Variants in TNRC6B observed in about 807,000 individuals in gnomAD.
TNRC6B encodes trinucleotide repeat-containing gene 6B protein.
A neutral mutation model predicts 203.6 loss-of-function variants in TNRC6B; 52 were observed. That is an observed-to-expected ratio of 0.26 (90% CI 0.20 to 0.32). TNRC6B has a LOEUF of 0.32. TNRC6B is among the 10% of genes least tolerant of loss of function. The probability of loss-of-function intolerance (pLI) is 1.00; values close to 1 mark genes in which losing one functional copy is unlikely to be tolerated. For synonymous variants in TNRC6B, 838 were observed against 845.7 expected, an observed-to-expected ratio of 0.99 and a Z score of 0.16; for missense variants, 1,923 against 2,286.2, an observed-to-expected ratio of 0.84 and a Z score of 3.24.
At chr22:40,270,645 T>A (rs2070549365) in intron 6 of TNRC6B, among the ~76,000 whole-genome samples, 1 of 152,134 alleles carries the variant, frequency 6.6e-6, no homozygotes, top group Non-Finnish European at 1.5e-5. Flanking sequence ...GTTTGTCAAA[T>A]GTCAGATTTG....
At chr22:40,144,476 C>G (rs2068673286) in intron 3 of TNRC6B, among the ~76,000 whole-genome samples, 1 of 151,420 alleles carries the variant, frequency 6.6e-6, no homozygotes, top group Non-Finnish European at 1.5e-5. Context: ...GAGATCGAGA[C>G]CATCCTGGCT....
In TNRC6B at chr22:40,285,165, C is replaced by G. The variant is rs1347664560; in HGVS notation, c.3583-480C>G. On this transcript the variant is annotated intron_variant, in intron 11 of 22. Coordinates refer to ENST00000454349, the MANE Select transcript of TNRC6B (RefSeq NM_001162501.2). ...AAGAAAGGATTGAGCAGATCCAGGACAAGGAAGGGTGCTAGGCTCACTCTT... is the reference window on the plus strand; with the variant it reads ...AAGAAAGGATTGAGCAGATCCAGGAGAAGGAAGGGTGCTAGGCTCACTCTT... Among the ~76,000 whole-genome samples, 5 of 152,120 alleles carry G rather than the reference C, an allele frequency of 3.3e-5. No homozygotes were observed. In the East Asian group the frequency reaches 9.6e-4, roughly 29 times the overall value.
intron 1 of TNRC6B, among the ~76,000 whole-genome samples, chr22:40,187,123 C>A (rs1209882013): frequency 3.3e-5 from 5 of 152,150 alleles, no homozygotes; most frequent in African/African-American, 1.2e-4. Context: ...TGGCACTAGT[C>A]TCATTGCAAG....
intron 1 of TNRC6B, among the ~76,000 whole-genome samples, chr22:40,106,021 C>T (rs2068279921): frequency 1.3e-5 from 2 of 152,276 alleles, no homozygotes; most frequent in African/African-American, 4.8e-5. Flanking sequence ...ACCTTACTTA[C>T]TACTGAGACT....
chr22:40,151,888 A>C (rs916356148), intron 3 of TNRC6B, among the ~76,000 whole-genome samples: 2 of 144,200 alleles, frequency 1.4e-5, no homozygotes, highest in Non-Finnish European at 3.0e-5. Flanking sequence ...AAGAAGAAAG[A>C]AAGCAAATCA....
intron 1 of TNRC6B, among the ~76,000 whole-genome samples, chr22:40,218,324 C>CTGT (rs2069663257): frequency 2.1e-5 from 2 of 97,460 alleles, no homozygotes; most frequent in Non-Finnish European, 3.9e-5. Flanking sequence ...TTTTTCTTTT[C>CTGT]TTTTTTTTTT....
At chr22:40,314,997 T>C (rs1886924046) in intron 19 of TNRC6B, among the ~76,000 whole-genome samples, 1 of 152,234 alleles carries the variant, frequency 6.6e-6, no homozygotes, top group Admixed American at 6.5e-5. Context: ...TGTCCTCCTT[T>C]TCAAGTCATT....
chr22:40,204,344 G>A (rs913760668), intron 1 of TNRC6B, among the ~76,000 whole-genome samples: 1 of 152,194 alleles, frequency 6.6e-6, no homozygotes, highest in South Asian at 2.1e-4. Flanking sequence ...GATAAACCAG[G>A]CATGTAGGTT....
intron 1 of TNRC6B, among the ~76,000 whole-genome samples, chr22:40,226,320 C>T (rs568170114): frequency 1.4e-4 from 22 of 152,112 alleles, no homozygotes; most frequent in African/African-American, 4.1e-4. Context: ...TCTTGTCTGC[C>T]GATTTTTTTC....
At chr22:40,123,487 T>C (rs2068462195) in intron 2 of TNRC6B, among the ~76,000 whole-genome samples, 1 of 152,182 alleles carries the variant, frequency 6.6e-6, no homozygotes, top group African/African-American at 2.4e-5. Context: ...TGCCATCCCT[T>C]CTTCCTCTCC....
intron 1 of TNRC6B, among the ~76,000 whole-genome samples, chr22:40,063,672 TTTTTTCTTTTTTC>T (rs1159484020): frequency 6.6e-6 from 1 of 152,034 alleles, no homozygotes; most frequent in South Asian, 2.1e-4. Flanking sequence ...GATGTTAGGT[TTTTTTCTTTTTTC>T]TTTTTCTTTT....
chr22:40,108,716 G>A (rs1423793532), intron 1 of TNRC6B, among the ~76,000 whole-genome samples: 1 of 152,170 alleles, frequency 6.6e-6, no homozygotes, highest in Non-Finnish European at 1.5e-5. Flanking sequence ...ATGTAAAACA[G>A]TGCCACTGTC....
rs563615935 is a variant in TNRC6B, at chr22:40,115,003, G to A, written c.-120-2052G>A. Among the ~76,000 whole-genome samples the A allele has an allele frequency of 9.2e-5, 14 of 152,328 alleles. No homozygotes were observed. In the South Asian group the frequency reaches 1.2e-3, roughly 14 times the overall value. ...AGAGGTTCACAGCCTGGCAGAGAAAGTAATGCAGCTGTTCTGTAAAACCTG... is the reference window on the plus strand; with the variant it reads ...AGAGGTTCACAGCCTGGCAGAGAAAATAATGCAGCTGTTCTGTAAAACCTG... On this transcript the variant is annotated intron_variant, in intron 1 of 23. Transcript: ENST00000301923.
chr22:40,273,374 T>C (rs2070591369), intron 6 of TNRC6B, 51 bp from the exon 7 acceptor site: 6 of 1,459,074 alleles, frequency 4.1e-6, no homozygotes, highest in Non-Finnish European at 5.5e-6. Context: ...ATTATTCTGA[T>C]GATTGTTTTA....
At chr22:40,176,186 G>A (rs1021953782), upstream of TNRC6B, among the ~76,000 whole-genome samples, 2 of 149,678 alleles carry the variant, frequency 1.3e-5, no homozygotes, top group African/African-American at 2.5e-5. Flanking sequence ...GTGCAATGGC[G>A]CGATCTCGGC....
At chr22:40,183,140 A>G (rs1776254163) in intron 1 of TNRC6B, among the ~76,000 whole-genome samples, 1 of 152,198 alleles carries the variant, frequency 6.6e-6, no homozygotes, top group Non-Finnish European at 1.5e-5. Context: ...CTGTGTGACG[A>G]TGGTAGGCTC....
intron 1 of TNRC6B, among the ~76,000 whole-genome samples, chr22:40,056,416 CAGTTT>C (rs1038939567): frequency 1.6e-4 from 25 of 152,268 alleles, no homozygotes; most frequent in Admixed American, 5.9e-4. Context: ...GTAATGAATG[CAGTTT>C]AGTTTAAGAT....
chr22:40,212,618 C>T (rs1282820138), intron 1 of TNRC6B, among the ~76,000 whole-genome samples: 2 of 151,898 alleles, frequency 1.3e-5, no homozygotes, highest in Non-Finnish European at 2.9e-5. Flanking sequence ...TGCCTCTTGC[C>T]CTTCAACAGC....
At chr22:40,251,382 T>A (rs949387258) in intron 3 of TNRC6B, among the ~76,000 whole-genome samples, 182 bp downstream of exon 3, 1 of 152,194 alleles carries the variant, frequency 6.6e-6, no homozygotes, top group Non-Finnish European at 1.5e-5. Flanking sequence ...GTGTTTCTAG[T>A]TGGCCTTAAA....
Sources: allele counts gnomAD v4.1 joint callset (sites outside exome capture counted in the v4.1 genomes callset), GRCh38; gene constraint gnomAD v4.1.1; transcripts MANE v1.5; gene names NCBI Gene and HGNC (gene_info 2026-07-23, HGNC 2026-07-21).